The following CCR5AS variants were observed in gnomAD, a reference collection of about 807,000 sequenced individuals.
CCR5AS encodes CCR5 antisense RNA.
intron 2 of CCR5AS, chr3:46,374,230 A>T: frequency 6.2e-6 from 2 of 324,430 alleles, no homozygotes; most frequent in Non-Finnish European, 1.2e-5. Flanking sequence ...GTTATTGACA[A>T]ACTCTCCCTT....
chr3:46,393,466 A>G (rs1701932927), intron 1 of CCR5AS, among the ~76,000 whole-genome samples: 1 of 147,828 alleles, frequency 6.8e-6, no homozygotes, highest in African/African-American at 2.5e-5. Flanking sequence ...GCCACAAAAA[A>G]AAAAGAAAAG....
chr3:46,370,596 C>T (rs549206526), intron 3 of CCR5AS, among the ~76,000 whole-genome samples: 3 of 152,294 alleles, frequency 2.0e-5, no homozygotes, highest in African/African-American at 7.2e-5. Context: ...AAATCATTTG[C>T]TTCTTGGATA....
At chr3:46,388,085 CA>C (rs1403821504) in intron 2 of CCR5AS, among the ~76,000 whole-genome samples, 2 of 152,190 alleles carry the variant, frequency 1.3e-5, no homozygotes, top group Non-Finnish European at 2.9e-5. Flanking sequence ...GCGCAGGTCA[CA>C]GGGGATATGA....
intron 1 of CCR5AS, among the ~76,000 whole-genome samples, chr3:46,394,713 G>T (rs2106774184): frequency 6.6e-6 from 1 of 152,304 alleles, no homozygotes; most frequent in South Asian, 2.1e-4. Flanking sequence ...AAGTGTACGT[G>T]ACAGGAATGG....
chr3:46,405,812 G>A (rs1466986482), intron 1 of CCR5AS, among the ~76,000 whole-genome samples: 2 of 152,008 alleles, frequency 1.3e-5, no homozygotes, highest in African/African-American at 4.8e-5. Context: ...GGCTCTTTCT[G>A]TGTTTATTTT....
intron 1 of CCR5AS, among the ~76,000 whole-genome samples, chr3:46,403,495 G>A (rs974260638): frequency 2.0e-5 from 3 of 152,238 alleles, no homozygotes; most frequent in African/African-American, 7.2e-5. Context: ...GAATGCTGAA[G>A]AATGCAGGAA....
intron 1 of CCR5AS, among the ~76,000 whole-genome samples, chr3:46,393,555 T>A (rs895986340): frequency 6.6e-6 from 1 of 151,776 alleles, no homozygotes; most frequent in Admixed American, 6.6e-5. Flanking sequence ...TAGGGAAAAG[T>A]GTCACTAATT....
intron 1 of CCR5AS, among the ~76,000 whole-genome samples, chr3:46,405,627 A>G (rs563723273): frequency 2.0e-5 from 3 of 152,148 alleles, no homozygotes; most frequent in South Asian, 2.1e-4. Flanking sequence ...CCAGGGCACC[A>G]TGACCCCCAC....
intron 2 of CCR5AS, among the ~76,000 whole-genome samples, chr3:46,379,836 G>T (rs1261026745): frequency 6.6e-6 from 1 of 152,060 alleles, no homozygotes; most frequent in African/African-American, 2.4e-5. Context: ...GGTGGAAGTT[G>T]CAGTGAGCTG....
intron 1 of CCR5AS, among the ~76,000 whole-genome samples, chr3:46,396,378 A>G (rs1701962101): frequency 6.6e-6 from 1 of 152,128 alleles, no homozygotes; most frequent in African/African-American, 2.4e-5. Flanking sequence ...GTGTGCCCAC[A>G]TGTGGGTTCC....
At chr3:46,366,693 A>T (rs948663672) in intron 3 of CCR5AS, among the ~76,000 whole-genome samples, 1 of 152,158 alleles carries the variant, frequency 6.6e-6, no homozygotes, top group African/African-American at 2.4e-5. Flanking sequence ...TGAGTTCCCA[A>T]CCCACCCACG....
chr3:46,401,967 T>C (rs766857365), intron 1 of CCR5AS, among the ~76,000 whole-genome samples: 2 of 152,090 alleles, frequency 1.3e-5, no homozygotes, highest in Admixed American at 1.3e-4. Context: ...CCTTTCTTCC[T>C]CATGAAGGAT....
At position 46,390,574 on chromosome 3, in the gene CCR5AS, G is replaced by C. The variant is rs149511916; in HGVS notation, n.391+2251C>G. ...ATGGGATGATAAGGGGTGCATGATCGGTTGCCAAGGTAGGAGTAGAGGTAT... is the reference window on the plus strand; with the variant it reads ...ATGGGATGATAAGGGGTGCATGATCCGTTGCCAAGGTAGGAGTAGAGGTAT... On this transcript the variant is annotated intron_variant and non_coding_transcript_variant, in intron 2 of 3. Coordinates refer to ENST00000451485, the Ensembl canonical transcript of CCR5AS. Among the ~76,000 whole-genome samples the C allele has an allele frequency of 6.5e-3, 994 of 152,206 alleles. 12 individuals carry two copies. The highest frequency in any genetic ancestry group is 0.023 in the African/African-American group (950 of 41,518).
At chr3:46,364,518 C>T (rs1202841588) in exon 4 of CCR5AS, among the ~76,000 whole-genome samples, 4 of 152,072 alleles carry the variant, frequency 2.6e-5, no homozygotes, top group Non-Finnish European at 4.4e-5. Context: ...TGGAGATGTA[C>T]GAGAATATTC....
At chr3:46,403,016 T>C (rs1166836023) in intron 1 of CCR5AS, among the ~76,000 whole-genome samples, 5 of 152,240 alleles carry the variant, frequency 3.3e-5, no homozygotes, top group Non-Finnish European at 1.5e-5. Flanking sequence ...CCTGTGTTAG[T>C]TTGCTAAGGG....
chr3:46,406,372 A>AT (rs757180695), intron 1 of CCR5AS, among the ~76,000 whole-genome samples: 2 of 151,360 alleles, frequency 1.3e-5, no homozygotes, highest in Non-Finnish European at 2.9e-5. Flanking sequence ...TTTTTTCATT[A>AT]TTTTCAAGTT....
chr3:46,380,765 T>C (rs1228740041), intron 2 of CCR5AS, among the ~76,000 whole-genome samples: 4 of 152,260 alleles, frequency 2.6e-5, no homozygotes, highest in Non-Finnish European at 5.9e-5. Flanking sequence ...GTTTTACAAA[T>C]AGTGAGGTTA....
At chr3:46,378,992 G>A (rs1304729060) in intron 2 of CCR5AS, among the ~76,000 whole-genome samples, 1 of 147,944 alleles carries the variant, frequency 6.8e-6, no homozygotes, top group Non-Finnish European at 1.5e-5. Context: ...ATTTGATGTT[G>A]GTAAATTTCT....
intron 2 of CCR5AS, chr3:46,373,520 G>T: frequency 1.2e-6 from 2 of 1,613,100 alleles, no homozygotes; most frequent in Non-Finnish European, 1.7e-6. Context: ...TGGTCCTGCC[G>T]CTGCTTGTCA....
Sources: gnomAD v4.1 joint callset for allele counts (sites outside exome capture counted in the v4.1 genomes callset) on GRCh38, gnomAD v4.1.1 for gene constraint, MANE v1.5 for transcripts, NCBI Gene and HGNC (gene_info 2026-07-23, HGNC 2026-07-21) for gene names.